Variants in NIBAN1 observed in about 807,000 individuals in gnomAD.
The protein encoded by NIBAN1 is niban apoptosis regulator 1.
Under a neutral mutation model 75.1 loss-of-function variants are expected in NIBAN1, and 81 were observed. The observed-to-expected ratio is 1.08, with a 90% CI of 0.90 to 1.30. The LOEUF (loss-of-function observed/expected upper bound fraction) is 1.30. Among genes scored for constraint, NIBAN1 ranks in the 50% most tolerant of loss-of-function variants. The pLI, the probability that NIBAN1 is intolerant of heterozygous loss-of-function variation, is 0.00. For synonymous variants in NIBAN1, 436 were observed against 424.8 expected, an observed-to-expected ratio of 1.03 and a Z score of -0.32; for missense variants, 1,133 against 1,128.1, an observed-to-expected ratio of 1.00 and a Z score of -0.06.
At chr1:184,810,988 C>T (rs557598107) in intron 9 of NIBAN1, among the ~76,000 whole-genome samples, 3 of 152,284 alleles carry the variant, frequency 2.0e-5, no homozygotes, top group Non-Finnish European at 1.5e-5. Flanking sequence ...TCGCGGTAAG[C>T]TCCCTCTCGG....
chr1:184,803,793 A>G, intron 11 of NIBAN1, 101 bp from the exon 12 acceptor site: 1 of 906,432 alleles, frequency 1.1e-6, no homozygotes, highest in Non-Finnish European at 1.7e-6. Context: ...TTTTCCTCCT[A>G]ATGTCTGAGA....
At chr1:184,876,557 C>T (rs1656238962) in intron 5 of NIBAN1, among the ~76,000 whole-genome samples, 1 of 151,738 alleles carries the variant, frequency 6.6e-6, no homozygotes, top group Admixed American at 6.6e-5. Context: ...AAAAATTACC[C>T]AGGTGTGGTA....
intron 6 of NIBAN1, among the ~76,000 whole-genome samples, chr1:184,826,946 A>T (rs1177401470): frequency 2.6e-5 from 4 of 151,698 alleles, no homozygotes; most frequent in South Asian, 4.2e-4. Context: ...TGTGTGGGGG[A>T]CCTGGTGGGA....
At chr1:184,824,296 T>G (rs990732572) in intron 6 of NIBAN1, among the ~76,000 whole-genome samples, 1 of 151,908 alleles carries the variant, frequency 6.6e-6, no homozygotes, top group Non-Finnish European at 1.5e-5. Context: ...TGTGAAGAAG[T>G]GAGAATGACG....
At chr1:184,805,881 T>G in intron 11 of NIBAN1, 65 bp downstream of exon 11, 1 of 1,327,188 alleles carries the variant, frequency 7.5e-7, no homozygotes, top group Non-Finnish European at 1.1e-6. Context: ...TATTTTCCAC[T>G]TTACAAAAGA....
chr1:184,823,653 C>T lies in NIBAN1; in HGVS notation c.807G>A (p.Lys269=), dbSNP rs766348871. 2 of 1,614,104 alleles carry T rather than the reference C, an allele frequency of 1.2e-6. No homozygotes were observed. The highest frequency in any genetic ancestry group is 1.7e-5 in the Admixed American group (1 of 60,030). ...PKMKGKKNDR[K]RTWLGLLEEA... is the part of the protein sequence containing the mutation. Reference sequence around the variant, plus strand: ...CATTGCTTACACCAAGCCACGTCCTCTTTCTGTCATTCTTCTTCCCCTTCA... The same window carrying T: ...CATTGCTTACACCAAGCCACGTCCTTTTTCTGTCATTCTTCTTCCCCTTCA... The change falls in exon 7 of 14, where the codon AAG becomes AAA. Residue 269 remains lysine, a synonymous_variant. Transcript: ENST00000367511.
intron 1 of NIBAN1, among the ~76,000 whole-genome samples, chr1:184,916,492 C>A (rs1245473094): frequency 1.3e-5 from 2 of 151,524 alleles, no homozygotes; most frequent in Non-Finnish European, 2.9e-5. Context: ...TAGCTATGAG[C>A]AAAAAAAATC....
chr1:184,880,844 T>G (rs1007627577), intron 5 of NIBAN1, among the ~76,000 whole-genome samples: 3 of 152,162 alleles, frequency 2.0e-5, no homozygotes, highest in African/African-American at 7.2e-5. Flanking sequence ...AAGTCTCAGT[T>G]TGTGGCAGCA....
chr1:184,856,216 C>T (rs1655671958), intron 5 of NIBAN1, among the ~76,000 whole-genome samples: 1 of 152,076 alleles, frequency 6.6e-6, no homozygotes, highest in Non-Finnish European at 1.5e-5. Flanking sequence ...TGATTGACAT[C>T]ATTATTTGTT....
chr1:184,947,079 G>GAAAAAAGAAAAAA (rs1553230564), intron 1 of NIBAN1, among the ~76,000 whole-genome samples: 59,317 of 150,130 alleles, frequency 0.4, 12,130 homozygotes, highest in Middle Eastern at 0.45. Flanking sequence ...ATCTCAAAAA[G>GAAAAAAGAAAAAA]AAAAGAAAAG....
Position 184,909,821 on chromosome 1 carries a change from C to G in NIBAN1, c.56-10512G>C, listed in dbSNP as rs1017946108. On this transcript the variant is annotated intron_variant, in intron 1 of 13. Transcript: ENST00000367511. The stretch of plus-strand genomic sequence containing the variant: ...TGACCTAGAACAGTTGAAAATATAG[C>G]TCATCACAGAGCCAAATTTTATTTA... 5.9e-5 allele frequency among the ~76,000 whole-genome samples: 9 copies of G among 152,122 alleles called. No homozygotes were observed. In the South Asian group the frequency reaches 1.9e-3, roughly 32 times the overall value.
intron 5 of NIBAN1, among the ~76,000 whole-genome samples, chr1:184,884,210 T>C (rs1003230834): frequency 3.5e-5 from 5 of 142,952 alleles, no homozygotes; most frequent in Admixed American, 7.2e-5. Flanking sequence ...GCACCATCTG[T>C]GGCTCTTTTT....
intron 5 of NIBAN1, among the ~76,000 whole-genome samples, chr1:184,872,765 T>G (rs1468071539): frequency 1.3e-5 from 2 of 150,868 alleles, no homozygotes; most frequent in Admixed American, 6.6e-5. Context: ...AATGTACATG[T>G]AATCAGATTT....
chr1:184,842,643 C>CA (rs1655322191), intron 5 of NIBAN1, among the ~76,000 whole-genome samples: 1 of 151,966 alleles, frequency 6.6e-6, no homozygotes. Flanking sequence ...ATCCTAGCTA[C>CA]TCTAGAAGCT....
chr1:184,844,471 T>C (rs1655382376), intron 5 of NIBAN1, among the ~76,000 whole-genome samples: 1 of 152,234 alleles, frequency 6.6e-6, no homozygotes, highest in Non-Finnish European at 1.5e-5. Flanking sequence ...AACATTTCAT[T>C]TGATTCTCAC....
rs868110830 is a variant in NIBAN1 at position 184,808,100 on chromosome 1, G to A, written c.1309C>T (p.Gln437Ter). Residue 437 changes from glutamine (Q) to a stop codon, truncating the protein, a stop_gained, in exon 10 of 14, where the codon CAG (glutamine) becomes TAG (stop). Coordinates refer to ENST00000367511, the MANE Select transcript of NIBAN1 (RefSeq NM_052966.4). LOFTEE classifies it high-confidence loss of function. ...FRFPHIDLVV[Q>*]RTQNYMQELM... ...TCCTGCATGTAGTTCTGTGTCCTCT[G>A]AACCACCAGATCAATGTGGGGGAAT... 6.2e-7 allele frequency: 1 copy of A among 1,613,830 alleles called. No homozygotes were observed. The highest frequency in any genetic ancestry group is 1.3e-5 in the African/African-American group (1 of 74,888).
intron 12 of NIBAN1, 112 bp downstream of exon 12, chr1:184,803,473 T>C: frequency 1.3e-6 from 1 of 766,916 alleles, no homozygotes; most frequent in East Asian, 2.5e-5. Flanking sequence ...CAAAAATGTC[T>C]GCCAATCCCT....
rs760951913 is a variant in NIBAN1, at chr1:184,795,788, C to T, written c.1976G>A (p.Arg659Lys). 4.5e-5 allele frequency: 72 copies of T among 1,611,056 alleles called. No individual in the cohort carries two copies. In the Admixed American group the frequency reaches 7.2e-4, roughly 16 times the overall value. Residue 659 changes from arginine (R) to lysine (K), a missense_variant, in exon 14 of 14, where the codon AGA becomes AAA. By Grantham distance (26) the Arg-to-Lys change is conservative. Coordinates refer to ENST00000367511, the MANE Select transcript of NIBAN1 (RefSeq NM_052966.4). ...AGGATTCACCACGGGGTCATCCACT[C>T]TTGAAATAATCACCTGCTCAGTCCC... ...PDGTEQVIIS[R>K]VDDPVVNPVA...
intron 12 of NIBAN1, among the ~76,000 whole-genome samples, chr1:184,799,001 T>C (rs1653955251): frequency 6.6e-6 from 1 of 152,202 alleles, no homozygotes; most frequent in Non-Finnish European, 1.5e-5. Flanking sequence ...TTGAGATTTT[T>C]TTTCAATTTT....
Sources: allele counts gnomAD v4.1 joint callset (sites outside exome capture counted in the v4.1 genomes callset), GRCh38; gene constraint gnomAD v4.1.1; transcripts MANE v1.5; gene names NCBI Gene and HGNC (gene_info 2026-07-23, HGNC 2026-07-21).